Variants in IL31RA observed in about 807,000 individuals in gnomAD.
IL31RA encodes the protein interleukin-31 receptor subunit alpha.
Under a neutral mutation model 83.7 loss-of-function variants are expected in IL31RA, and 66 were observed. The observed-to-expected ratio is 0.79, with a 90% CI of 0.65 to 0.97. The LOEUF is 0.97. Ranked by LOEUF, IL31RA falls within the 50% of genes least tolerant of loss-of-function variation. The pLI is 0.00. For missense variants in IL31RA, 798 were observed against 919.4 expected, an observed-to-expected ratio of 0.87 and a Z score of 1.71; for synonymous variants, 325 against 329.0, an observed-to-expected ratio of 0.99 and a Z score of 0.13.
rs1045784219 is a variant in IL31RA, at chr5:55,919,344, A to G, written c.*2224A>G. Among the ~76,000 whole-genome samples, 3 of 152,154 alleles carry G rather than the reference A, an allele frequency of 2.0e-5. No individual in the cohort carries two copies. Among genetic ancestry groups the G allele is most frequent in the African/African-American group, 7.2e-5 (3 of 41,424 alleles). The stretch of plus-strand genomic sequence containing the variant: ...GAAGCTTCTGAACCTAAAATCTAAG[A>G]ATTTGATGGGAGAGAAAATGGATCC... On this transcript the variant is annotated 3_prime_UTR_variant, in exon 15 of 15. Transcript: ENST00000652347.
intron 3 of IL31RA, among the ~76,000 whole-genome samples, chr5:55,870,840 G>T (rs1002507516): frequency 2.0e-5 from 3 of 152,190 alleles, no homozygotes; most frequent in Non-Finnish European, 2.9e-5. Flanking sequence ...CAATAGGAAA[G>T]AATTTTTCCT....
intron 1 of IL31RA, among the ~76,000 whole-genome samples, chr5:55,856,116 C>T (rs1045234257): frequency 6.6e-6 from 1 of 152,204 alleles, no homozygotes; most frequent in Non-Finnish European, 1.5e-5. Context: ...AGGCTGGTCT[C>T]AAACTTCTGA....
At chr5:55,843,901 T>C in the IL31RA span, among the ~76,000 whole-genome samples, 1 of 152,222 alleles carries the variant, frequency 6.6e-6, no homozygotes, top group Admixed American at 6.5e-5. Flanking sequence ...TGTTTGTGTA[T>C]GTAAAATGCA....
chr5:55,853,230 AAGTT>A lies in IL31RA; in HGVS notation c.63+1601_63+1604del, dbSNP rs1363568158. ...AGGACTTCCTGAAGAGAAAATTTAA[AAGTT>A]AGTCACTTCTTTTAGTTGTTTCTGG... is the stretch of plus-strand genomic sequence containing the variant. On this transcript the variant is annotated intron_variant, in intron 1 of 14. Coordinates refer to ENST00000652347, the MANE Select transcript of IL31RA (RefSeq NM_139017.7). 3.8e-5 allele frequency: 34 copies of A among 898,522 alleles called. No individual in the cohort carries two copies. The African/African-American group carries it at 5.1e-4, about 13-fold the overall frequency. 55.7% of individuals were successfully genotyped at this position (898,522 alleles called of 1,614,324 possible).
At chr5:55,859,247 T>C (rs1451312400) in intron 1 of IL31RA, among the ~76,000 whole-genome samples, 1 of 152,146 alleles carries the variant, frequency 6.6e-6, no homozygotes, top group African/African-American at 2.4e-5. Flanking sequence ...CTGGAGCACA[T>C]TCTTGGTAGT....
At chr5:55,896,497 C>A in intron 7 of IL31RA, 68 bp downstream of exon 7, 1 of 975,606 alleles carries the variant, frequency 1.0e-6, no homozygotes, top group Non-Finnish European at 1.6e-6. Flanking sequence ...CCTTCCCTCC[C>A]TTCCCTCCCT....
At position 55,882,924 on chromosome 5, in the gene IL31RA, A is replaced by C. The variant is rs1747331828; in HGVS notation, c.455-120A>C. On this transcript the variant is annotated intron_variant, in intron 4 of 14. Transcript: ENST00000652347. ...CCTTTTGTACTGCCTTGCAAATGCCATCTTCGTTCCATATAGCAGACCACA... is the reference window on the plus strand; with the variant it reads ...CCTTTTGTACTGCCTTGCAAATGCCCTCTTCGTTCCATATAGCAGACCACA... 3.3e-6 allele frequency: 3 copies of C among 917,376 alleles called. No individual in the cohort carries two copies. In the South Asian group the frequency reaches 4.1e-5, roughly 13 times the overall value. 56.8% of individuals were successfully genotyped at this position (917,376 alleles called of 1,614,324 possible). A position where few individuals can be genotyped will look rare whatever the true frequency, so the allele number is the denominator to read the frequency against.
intron 11 of IL31RA, among the ~76,000 whole-genome samples, chr5:55,910,142 T>C (rs1439655272): frequency 6.6e-6 from 1 of 152,276 alleles, no homozygotes; most frequent in Non-Finnish European, 1.5e-5. Flanking sequence ...GATATATGAT[T>C]TGTAAATATT....
At chr5:55,861,277 CT>C (rs1745665634) in intron 2 of IL31RA, among the ~76,000 whole-genome samples, 1 of 152,156 alleles carries the variant, frequency 6.6e-6, no homozygotes, top group Non-Finnish European at 1.5e-5. Context: ...CACTCAGGAG[CT>C]TGATAGACCA....
rs775922906 is a variant in IL31RA, at chr5:55,920,602, C to T, written c.*3482C>T. On this transcript the variant is annotated 3_prime_UTR_variant, in exon 15 of 15. Coordinates refer to ENST00000652347, the MANE Select transcript of IL31RA (RefSeq NM_139017.7). ...TTTCCCACAAAGCAGAAAACGTTTA[C>T]TCTCTGACCCTTTGCAGAAAAAATT... Among the ~76,000 whole-genome samples the T allele has an allele frequency of 1.3e-5, 2 of 152,214 alleles. No individual in the cohort carries two copies. Among genetic ancestry groups the T allele is most frequent in the Admixed American group, 6.5e-5 (1 of 15,286 alleles).
chr5:55,910,521 T>A lies in IL31RA; in HGVS notation c.1502-11T>A. ...TGGCTGTGGTGTTTGACCTTTGTAT[T>A]TTTCCTTTAGCCAAGACAGTCAATT... On this transcript the variant is annotated splice_polypyrimidine_tract_variant and intron_variant, in intron 11 of 14. Transcript: ENST00000652347. 1.9e-6 allele frequency: 3 copies of A among 1,614,072 alleles called. No individual in the cohort carries two copies. The highest frequency in any genetic ancestry group is 2.5e-6 in the Non-Finnish European group (3 of 1,179,988).
At position 55,916,721 on chromosome 5, in the gene IL31RA, T is replaced by C. The variant is rs1436445256; in HGVS notation, c.1896T>C (p.Ser632=). The C allele has an allele frequency of 6.2e-7, 1 of 1,614,058 alleles. No individual in the cohort carries two copies. The highest frequency in any genetic ancestry group is 1.3e-5 in the African/African-American group (1 of 74,922). ...DRILKPCSTP[S]DKLVIDKLVV... ...TCTTAAAACCATGTTCCACCCCCAG[T>C]GACAAGTTGGTGATTGACAAGTTGG... The change falls in exon 15 of 15, where the codon AGT becomes AGC. Residue 632 remains serine (S), a synonymous_variant. Coordinates refer to ENST00000652347, the MANE Select transcript of IL31RA (RefSeq NM_139017.7).
chr5:55,869,001 A>C, intron 3 of IL31RA, 93 bp downstream of exon 3: 1 of 804,674 alleles, frequency 1.2e-6, no homozygotes. Context: ...TGAAGCAAAA[A>C]GTTTCCTCAA....
At chr5:55,894,174 C>T (rs1470673386) in intron 6 of IL31RA, among the ~76,000 whole-genome samples, 1 of 151,564 alleles carries the variant, frequency 6.6e-6, no homozygotes, top group Admixed American at 6.6e-5. Context: ...TTTGACTCTC[C>T]ACATGATTGG....
At chr5:55,910,386 T>C (rs1401566652) in intron 11 of IL31RA, 146 bp from the exon 12 acceptor site, 4 of 816,796 alleles carry the variant, frequency 4.9e-6, no homozygotes, top group Non-Finnish European at 8.3e-6. Context: ...TCCATCTTGA[T>C]ATTTAAGCAG....
intron 5 of IL31RA, among the ~76,000 whole-genome samples, chr5:55,889,661 G>A (rs74670640): frequency 0.023 from 3,544 of 152,260 alleles, 51 homozygotes; most frequent in Middle Eastern, 0.037. Context: ...TGAGGCTTGC[G>A]TCTTCTAGAA....
chr5:55,900,034 A>G lies in IL31RA; in HGVS notation c.971A>G (p.His324Arg), dbSNP rs1477822730. Residue 324 changes from histidine (H) to arginine (R), a missense_variant, in exon 8 of 15, where the codon CAT (histidine) becomes CGT (arginine). Physicochemically the swap from His to Arg is conservative, Grantham distance 29. Transcript: ENST00000652347. ...ACTACTAACCAGCAGCTTGAACTGC[A>G]TCTGGGAGGCGAGAGCTTTTGGGTG... ...MNTTNQQLEL[H>R]LGGESFWVSM... 9.3e-6 allele frequency: 15 copies of G among 1,614,166 alleles called. No individual in the cohort carries two copies. The highest frequency in any genetic ancestry group is 3.3e-4 in the Middle Eastern group (2 of 6,060).
chr5:55,863,668 A>G (rs1184211561), intron 2 of IL31RA, among the ~76,000 whole-genome samples: 1 of 152,204 alleles, frequency 6.6e-6, no homozygotes, highest in Non-Finnish European at 1.5e-5. Flanking sequence ...TTGTAAGACT[A>G]TTGTTCTCTC....
At chr5:55,863,562 C>T (rs1745816090) in intron 2 of IL31RA, among the ~76,000 whole-genome samples, 1 of 152,238 alleles carries the variant, frequency 6.6e-6, no homozygotes, top group South Asian at 2.1e-4. Context: ...CAAGGCAAAT[C>T]CCATGGCCAC....
Sources: gnomAD v4.1 joint callset for allele counts (sites outside exome capture counted in the v4.1 genomes callset) on GRCh38, gnomAD v4.1.1 for gene constraint, MANE v1.5 for transcripts, NCBI Gene and HGNC (gene_info 2026-07-23, HGNC 2026-07-21) for gene names.